The following SGCZ variants were observed in gnomAD, a reference collection of about 807,000 sequenced individuals.
SGCZ encodes zeta-sarcoglycan.
A neutral mutation model predicts 41.3 loss-of-function variants in SGCZ; 40 were observed. The observed-to-expected ratio is 0.97, with a 90% CI of 0.75 to 1.26. The LOEUF (loss-of-function observed/expected upper bound fraction) is 1.26, where lower values mean the gene tolerates loss of function less well. SGCZ is among the 50% of genes most tolerant of loss of function. The pLI, the probability that SGCZ is intolerant of heterozygous loss-of-function variation, is 0.00. For synonymous variants in SGCZ, 206 were observed against 137.5 expected (o/e 1.50, Z -3.49); for missense variants, 552 against 369.8 (o/e 1.49, Z -4.04).
intron 5 of SGCZ, among the ~76,000 whole-genome samples, chr8:14,156,285 C>T (rs548653877): frequency 3.9e-5 from 6 of 152,150 alleles, no homozygotes; most frequent in Non-Finnish European, 8.8e-5. Context: ...CAGTGAAATC[C>T]TGTCTCTACT....
intron 3 of SGCZ, among the ~76,000 whole-genome samples, chr8:14,279,798 T>C (rs1210109658): frequency 6.6e-6 from 1 of 151,856 alleles, no homozygotes; most frequent in African/African-American, 2.4e-5. Flanking sequence ...TTTCAGAAAA[T>C]ACTCTTATTT....
intron 1 of SGCZ, among the ~76,000 whole-genome samples, chr8:15,123,846 C>T (rs964957498): frequency 9.2e-5 from 14 of 151,902 alleles, no homozygotes; most frequent in African/African-American, 2.4e-4. Context: ...CAAGGCTTTC[C>T]GGAAGAAAAC....
chr8:14,641,783 G>C (rs553706854), intron 1 of SGCZ, among the ~76,000 whole-genome samples: 15 of 151,580 alleles, frequency 9.9e-5, no homozygotes, highest in Non-Finnish European at 2.2e-4. Flanking sequence ...TAGTAAAACT[G>C]TAGAGTTTCT....
At chr8:14,357,672 T>C (rs1209570821) in intron 2 of SGCZ, among the ~76,000 whole-genome samples, 1 of 152,192 alleles carries the variant, frequency 6.6e-6, no homozygotes, top group African/African-American at 2.4e-5. Context: ...GACTGTTGAT[T>C]AGGGGCCAAA....
intron 1 of SGCZ, among the ~76,000 whole-genome samples, chr8:15,047,104 C>A (rs116370375): frequency 7.8e-4 from 119 of 151,984 alleles, no homozygotes; most frequent in African/African-American, 2.7e-3. Flanking sequence ...AATGCCTGTC[C>A]CTCCTGCATC....
chr8:14,704,597 G>T (rs560475870), intron 1 of SGCZ, among the ~76,000 whole-genome samples: 1 of 152,108 alleles, frequency 6.6e-6, no homozygotes, highest in East Asian at 1.9e-4. Context: ...AGCTGTGACT[G>T]TGGGCAGTTA....
At chr8:14,853,443 T>C (rs1167593414) in intron 1 of SGCZ, 1 of 532,310 alleles carries the variant, frequency 1.9e-6, no homozygotes, top group Non-Finnish European at 3.9e-6. Flanking sequence ...ACTTGCTCTT[T>C]CTGACCAGGC....
At chr8:15,075,384 G>C (rs1029030472) in intron 1 of SGCZ, among the ~76,000 whole-genome samples, 3 of 151,958 alleles carry the variant, frequency 2.0e-5, no homozygotes, top group Non-Finnish European at 4.4e-5. Context: ...CATTTTATGG[G>C]GTCATTTTCT....
chr8:14,501,971 T>A (rs903853139), intron 2 of SGCZ, among the ~76,000 whole-genome samples: 35 of 152,076 alleles, frequency 2.3e-4, no homozygotes, highest in African/African-American at 8.4e-4. Flanking sequence ...AAAAGTATAA[T>A]CCATAATCAT....
At chr8:14,583,078 C>T (rs1177978144) in intron 1 of SGCZ, among the ~76,000 whole-genome samples, 10 of 149,530 alleles carry the variant, frequency 6.7e-5, no homozygotes, top group Non-Finnish European at 1.3e-4. Flanking sequence ...CCTGAGGAAT[C>T]GCCACACTGA....
At chr8:14,588,518 A>G (rs111857774) in intron 1 of SGCZ, among the ~76,000 whole-genome samples, 75 of 152,288 alleles carry the variant, frequency 4.9e-4, no homozygotes, top group African/African-American at 1.8e-3. Context: ...GCCCTAGAAC[A>G]TTTTATGTGA....
At chr8:15,083,567 T>C (rs117536354) in intron 1 of SGCZ, among the ~76,000 whole-genome samples, 5,910 of 152,080 alleles carry the variant, frequency 0.039, 150 homozygotes, top group Non-Finnish European at 0.056. Flanking sequence ...TTATTATTAT[T>C]AGAGACAGTA....
At chr8:14,472,638 C>T (rs1205227219) in intron 2 of SGCZ, among the ~76,000 whole-genome samples, 2 of 152,028 alleles carry the variant, frequency 1.3e-5, no homozygotes, top group East Asian at 3.9e-4. Context: ...TTGCAAGGAT[C>T]CTCTTCCATT....
chr8:14,434,735 T>C (rs909735621), intron 2 of SGCZ, among the ~76,000 whole-genome samples: 2 of 152,168 alleles, frequency 1.3e-5, no homozygotes, highest in Non-Finnish European at 2.9e-5. Flanking sequence ...CAACAGCTAT[T>C]GTAAAAGAAG....
intron 2 of SGCZ, among the ~76,000 whole-genome samples, chr8:14,548,720 G>T (rs552828686): frequency 4.3e-4 from 66 of 152,022 alleles, no homozygotes; most frequent in Non-Finnish European, 7.6e-4. Context: ...GGCTTATTTT[G>T]TTTGGTGTAT....
intron 1 of SGCZ, among the ~76,000 whole-genome samples, chr8:15,179,999 GCTGA>G (rs1358050654): frequency 6.6e-6 from 1 of 151,940 alleles, no homozygotes; most frequent in Non-Finnish European, 1.5e-5. Context: ...TGTTTAGTAG[GCTGA>G]CTATTATATG....
At chr8:15,188,079 C>G (rs766141387) in intron 1 of SGCZ, among the ~76,000 whole-genome samples, 6 of 151,892 alleles carry the variant, frequency 4.0e-5, no homozygotes, top group Admixed American at 6.6e-5. Context: ...TTAATTTTAA[C>G]CATGTCTACA....
intron 1 of SGCZ, among the ~76,000 whole-genome samples, chr8:15,228,258 A>G (rs879655865): frequency 1.3e-5 from 2 of 152,218 alleles, no homozygotes; most frequent in Non-Finnish European, 2.9e-5. Context: ...GCCACAAGCC[A>G]AAAATATGTT....
chr8:14,260,171 G>T (rs1364899023), intron 3 of SGCZ, among the ~76,000 whole-genome samples: 1 of 152,076 alleles, frequency 6.6e-6, no homozygotes, highest in African/African-American at 2.4e-5. Flanking sequence ...CCTACAGAAT[G>T]GGAGAAAATT....
Sources: allele counts gnomAD v4.1 joint callset (sites outside exome capture counted in the v4.1 genomes callset), GRCh38; gene constraint gnomAD v4.1.1; transcripts MANE v1.5; gene names NCBI Gene and HGNC (gene_info 2026-07-23, HGNC 2026-07-21).